Variants in CDH23 observed in about 807,000 individuals in gnomAD.
CDH23 encodes cadherin-23.
Under a neutral mutation model 317.1 loss-of-function variants are expected in CDH23, and 189 were observed. That is an observed-to-expected ratio of 0.60 (90% confidence interval 0.53 to 0.67). The LOEUF (loss-of-function observed/expected upper bound fraction) is 0.67. Among genes scored for constraint, CDH23 ranks in the 30% least tolerant of loss-of-function variants. The pLI, the probability that CDH23 is intolerant of heterozygous loss-of-function variation, is 0.00. For synonymous variants in CDH23, 1,839 were observed against 1,876.8 expected (o/e 0.98, Z 0.52); for missense variants, 4,401 against 4,592.4 (o/e 0.96, Z 1.20).
chr10:71,813,101 G>C (rs996705542), intron 68 of CDH23, 143 bp from the exon 69 acceptor site: 2 of 1,102,418 alleles, frequency 1.8e-6, no homozygotes, highest in Non-Finnish European at 2.6e-6. Flanking sequence ...GCTGGCCACT[G>C]TCTCCAGGCT....
At chr10:71,680,217 AG>A (rs1364723391) in intron 17 of CDH23, among the ~76,000 whole-genome samples, 4 of 152,178 alleles carry the variant, frequency 2.6e-5, no homozygotes, top group Non-Finnish European at 5.9e-5. Context: ...CTGCCAGGAA[AG>A]CCCTTCCTCC....
chr10:71,740,988 G>A (rs778773513), intron 37 of CDH23, 38 bp downstream of exon 37: 45 of 1,610,858 alleles, frequency 2.8e-5, no homozygotes, highest in Middle Eastern at 3.3e-4. Flanking sequence ...CTGGACATAC[G>A]GGGGGACCGT....
intron 27 of CDH23, among the ~76,000 whole-genome samples, chr10:71,709,429 A>G (rs1865897825): frequency 6.6e-6 from 1 of 152,220 alleles, no homozygotes. Context: ...GGTGGGAGCT[A>G]CATGGGAGAC....
chr10:71,420,350 T>C (rs1320193723), intron 1 of CDH23, among the ~76,000 whole-genome samples: 3 of 147,960 alleles, frequency 2.0e-5, no homozygotes, highest in African/African-American at 7.5e-5. Context: ...CCTTTTCTGC[T>C]TTCTCAGTGT....
At chr10:71,466,461 TGA>T (rs1278683859) in intron 3 of CDH23, among the ~76,000 whole-genome samples, 2 of 151,982 alleles carry the variant, frequency 1.3e-5, no homozygotes, top group Non-Finnish European at 2.9e-5. Flanking sequence ...CATGTGCATG[TGA>T]GAGTGTGTGA....
Position 71,779,363 on chromosome 10 carries a change from A to G in CDH23, c.5284A>G (p.Arg1762Gly). Residue 1762 changes from arginine to glycine, a missense_variant, in exon 41 of 70, where the codon AGA becomes GGA. Physicochemically the swap from Arg to Gly is moderately radical, Grantham distance 125. Coordinates refer to ENST00000224721, the MANE Select transcript of CDH23 (RefSeq NM_022124.6). ...FEVTEGQPGP[R>G]VWTFLAHDRD... ...AGTCACTGAGGGCCAGCCGGGGCCC[A>G]GAGTGTGGACCTTCCTGGCCCATGA... 6.2e-7 allele frequency: 1 copy of G among 1,613,984 alleles called. No individual in the cohort carries two copies. Among genetic ancestry groups the G allele is most frequent in the Non-Finnish European group, 8.5e-7 (1 of 1,179,878 alleles).
intron 2 of CDH23, among the ~76,000 whole-genome samples, chr10:71,444,240 G>A (rs1373210642): frequency 6.6e-6 from 1 of 152,266 alleles, no homozygotes; most frequent in Non-Finnish European, 1.5e-5. Flanking sequence ...GTGGCACAGC[G>A]CTAAGCGCTT....
At chr10:71,613,658 G>A (rs925195107) in intron 9 of CDH23, among the ~76,000 whole-genome samples, 10 of 152,200 alleles carry the variant, frequency 6.6e-5, no homozygotes, top group Non-Finnish European at 1.0e-4. Context: ...AGTTAGAAGA[G>A]GAAATTGCCC....
intron 14 of CDH23, among the ~76,000 whole-genome samples, chr10:71,661,318 GA>G (rs1313488134): frequency 4.6e-5 from 7 of 152,092 alleles, no homozygotes; most frequent in Non-Finnish European, 8.8e-5. Flanking sequence ...CCTAAAAAGG[GA>G]ACAAAGCCAG....
At chr10:71,576,941 T>A (rs1858248966) in intron 8 of CDH23, among the ~76,000 whole-genome samples, 1 of 152,212 alleles carries the variant, frequency 6.6e-6, no homozygotes, top group Non-Finnish European at 1.5e-5. Flanking sequence ...CCTAGGACAG[T>A]CTTATGCCTC....
intron 2 of CDH23, among the ~76,000 whole-genome samples, chr10:71,444,124 G>T (rs1850040533): frequency 6.6e-6 from 1 of 152,196 alleles, no homozygotes; most frequent in Non-Finnish European, 1.5e-5. Flanking sequence ...TGAGCCCAAG[G>T]CCCCCAGCAG....
At position 71,784,448 on chromosome 10, in the gene CDH23, T is replaced by C. The variant is rs753726740; in HGVS notation, c.5502+28T>C. The C allele has an allele frequency of 1.9e-6, 3 of 1,605,176 alleles. No homozygotes were observed. The Admixed American group carries it at 5.1e-5, about 27-fold the overall frequency. The stretch of plus-strand genomic sequence containing the variant: ...GAGTCTGGGGGCCCCACCCGCTGGC[T>C]TCACCTCGCTGCCCCTGTACTTGCC... On this transcript the variant is annotated intron_variant, in intron 42 of 69. Transcript: ENST00000224721.
chr10:71,646,644 A>G, intron 14 of CDH23, 27 bp downstream of exon 14: 1 of 1,613,988 alleles, frequency 6.2e-7, no homozygotes, highest in Non-Finnish European at 8.5e-7. Context: ...CTGCAGGGCC[A>G]CTGAGCTCTC....
intron 19 of CDH23, among the ~76,000 whole-genome samples, chr10:71,689,423 C>T (rs535999250): frequency 6.6e-6 from 1 of 152,106 alleles, no homozygotes; most frequent in Non-Finnish European, 1.5e-5. Flanking sequence ...CACCCCCATC[C>T]CTGGGGACTG....
chr10:71,644,888 G>T (rs1271539308), intron 12 of CDH23, among the ~76,000 whole-genome samples: 2 of 152,238 alleles, frequency 1.3e-5, no homozygotes, highest in Non-Finnish European at 2.9e-5. Flanking sequence ...CAGTTGGAGG[G>T]GAGTCTGGGG....
At chr10:71,795,159 C>T (rs1841364982) in intron 48 of CDH23, among the ~76,000 whole-genome samples, 1 of 152,020 alleles carries the variant, frequency 6.6e-6, no homozygotes, top group Non-Finnish European at 1.5e-5. Context: ...TACTTCAATA[C>T]ATTACAATGA....
chr10:71,489,374 T>A (rs1375002558), intron 3 of CDH23, among the ~76,000 whole-genome samples: 1 of 152,234 alleles, frequency 6.6e-6, no homozygotes, highest in Non-Finnish European at 1.5e-5. Flanking sequence ...GCTAATGTGT[T>A]TGAAATTCAA....
intron 1 of CDH23, among the ~76,000 whole-genome samples, chr10:71,421,002 G>C (rs967761531): frequency 1.3e-5 from 2 of 152,166 alleles, no homozygotes; most frequent in African/African-American, 4.8e-5. Context: ...AAATAGCTTT[G>C]TTCCTTTCCC....
intron 38 of CDH23, among the ~76,000 whole-genome samples, chr10:71,771,409 C>CTTT (rs961859138): frequency 6.6e-6 from 1 of 152,260 alleles, no homozygotes; most frequent in Non-Finnish European, 1.5e-5. Context: ...GGCATAAAGG[C>CTTT]TTTGACCTTG....
Sources: gnomAD v4.1 joint callset for allele counts (sites outside exome capture counted in the v4.1 genomes callset) on GRCh38, gnomAD v4.1.1 for gene constraint, MANE v1.5 for transcripts, NCBI Gene and HGNC (gene_info 2026-07-23, HGNC 2026-07-21) for gene names.